Variants in STRADA observed in about 807,000 individuals in gnomAD.
STRADA encodes STE20 related adaptor alpha.
STRADA carries 26 observed loss-of-function variants against 55.0 expected under a neutral mutation model. The observed-to-expected ratio is 0.47, with a 90% CI of 0.35 to 0.66. The LOEUF is 0.66. Ranked by LOEUF, STRADA falls within the 30% of genes least tolerant of loss-of-function variation. STRADA has a pLI of 0.01. For missense variants in STRADA, 443 were observed against 549.7 expected (o/e 0.81, Z 1.94); for synonymous variants, 197 against 210.9 (o/e 0.93, Z 0.57).
chr17:63,710,577 A>G lies in STRADA; in HGVS notation c.495T>C (p.Asp165=). 4 of 1,614,032 alleles carry G rather than the reference A, an allele frequency of 2.5e-6. No individual in the cohort carries two copies. The change falls in exon 8 of 13, where the codon GAT becomes GAC. Residue 165 remains aspartate (D), a synonymous_variant. Coordinates refer to ENST00000336174, the MANE Select transcript of STRADA (RefSeq NM_001003787.4). ...AKDLICTHFM[D]GMNELAIAYI... is the part of the protein sequence containing the mutation. The stretch of plus-strand genomic sequence containing the variant: ...AAGCAATCGCCAGCTCATTCATGCC[A>G]TCCATGAAGTGTGTACAGATGAGAT...
At chr17:63,722,142 T>C (rs530885172) in intron 4 of STRADA, among the ~76,000 whole-genome samples, 3 of 152,370 alleles carry the variant, frequency 2.0e-5, no homozygotes, top group South Asian at 2.1e-4. Flanking sequence ...CAATTGCTCA[T>C]AGAAAGGAAC....
chr17:63,724,146 A>C (rs2144101232), intron 3 of STRADA, among the ~76,000 whole-genome samples: 1 of 151,818 alleles, frequency 6.6e-6, no homozygotes, highest in South Asian at 2.1e-4. Flanking sequence ...TTTTTTTTTA[A>C]TTTTTTATTT....
intron 1 of STRADA, among the ~76,000 whole-genome samples, chr17:63,738,834 A>AAAT (rs372982779): frequency 0.057 from 8,290 of 146,224 alleles, 406 homozygotes; most frequent in African/African-American, 0.13. Flanking sequence ...CTCCATCTCA[A>AAAT]AATAATAATA....
Position 63,708,397 on chromosome 17 carries a change from A to G in STRADA, c.582-979T>C, listed in dbSNP as rs375281894. On this transcript the variant is annotated intron_variant, in intron 8 of 12. Coordinates refer to ENST00000336174, the MANE Select transcript of STRADA (RefSeq NM_001003787.4). ...GTATTTTTAGTAGAGACAGGGTTTC[A>G]CCATGTTAGCCAGGCTGGTCTTGAA... 1.1e-4 allele frequency among the ~76,000 whole-genome samples: 17 copies of G among 151,390 alleles called. No homozygotes were observed. The East Asian group carries it at 2.9e-3, about 26-fold the overall frequency.
chr17:63,741,863 G>A (rs200468565), upstream of STRADA: 1 of 152,386 alleles, frequency 6.6e-6, no homozygotes, highest in Non-Finnish European at 1.5e-5. Context: ...GCAGTGGGGC[G>A]ACCGGGAGGA....
rs767576976 is a variant in STRADA, at chr17:63,704,487, C to A, written c.954G>T (p.Val318=). The A allele has an allele frequency of 3.7e-6, 6 of 1,612,796 alleles. No individual in the cohort carries two copies. Among genetic ancestry groups the A allele is most frequent in the Non-Finnish European group, 5.1e-6 (6 of 1,179,668 alleles). The change falls in exon 11 of 13, where the codon GTG becomes GTT. Residue 318 remains valine (V), a synonymous_variant. Coordinates refer to ENST00000336174, the MANE Select transcript of STRADA (RefSeq NM_001003787.4). The part of the protein sequence containing the change: ...EELTMSPSRS[V]ANSGLSDSLT... ...GGCTGTCACTCAGGCCAGAGTTGGC[C>A]ACTGAGCGCGAAGGGCTCATGGTCA...
At chr17:63,723,364 T>A in intron 3 of STRADA, 38 bp from the exon 4 acceptor site, 1 of 1,613,674 alleles carries the variant, frequency 6.2e-7, no homozygotes. Context: ...TTTTGTGTTT[T>A]AGCAGAAGAC....
In STRADA at chr17:63,731,584, A is replaced by G. The variant is rs140457413; in HGVS notation, c.-44-3171T>C. Among the ~76,000 whole-genome samples the G allele has an allele frequency of 1.0e-3, 154 of 152,134 alleles. 2 individuals are homozygous for G. In the East Asian group the frequency reaches 0.025, roughly 24 times the overall value. On this transcript the variant is annotated intron_variant, in intron 1 of 12. Coordinates refer to ENST00000336174, the MANE Select transcript of STRADA (RefSeq NM_001003787.4). The stretch of plus-strand genomic sequence containing the variant: ...TGGCCGGCCCTGATATTCTTATAGA[A>G]GCTCCTTTTCCAACCCCAGCTGAGA...
intron 4 of STRADA, among the ~76,000 whole-genome samples, chr17:63,718,463 C>T (rs2144003559): frequency 6.6e-6 from 1 of 152,290 alleles, no homozygotes; most frequent in South Asian, 2.1e-4. Context: ...CTTATATACG[C>T]CTAACTCCTG....
chr17:63,705,023 C>G, intron 10 of STRADA: 1 of 1,059,166 alleles, frequency 9.4e-7, no homozygotes, highest in Non-Finnish European at 1.4e-6. Context: ...CCTGGGCTGT[C>G]GCTGCAGCAG....
At chr17:63,710,933 C>T in intron 6 of STRADA, 97 bp from the exon 7 acceptor site, 1 of 1,108,204 alleles carries the variant, frequency 9.0e-7, no homozygotes, top group Non-Finnish European at 1.3e-6. Context: ...GGACCTGGCA[C>T]TTTCTGGGTG....
At chr17:63,723,084 A>C (rs1391996030) in intron 4 of STRADA, among the ~76,000 whole-genome samples, 1 of 152,192 alleles carries the variant, frequency 6.6e-6, no homozygotes, top group Admixed American at 6.5e-5. Context: ...AAGAGACAAA[A>C]ACTACCTGAG....
At chr17:63,727,234 A>G (rs888471852) in intron 2 of STRADA, 1 of 153,536 alleles carries the variant, frequency 6.5e-6, no homozygotes, top group African/African-American at 2.4e-5. Context: ...GGATCAATCT[A>G]TGGCTCACTT....
chr17:63,737,195 G>T (rs925347231), intron 1 of STRADA, among the ~76,000 whole-genome samples: 1 of 133,154 alleles, frequency 7.5e-6, no homozygotes, highest in African/African-American at 3.0e-5. Context: ...GTTGCAGTGA[G>T]TCAAGATCAT....
intron 3 of STRADA, among the ~76,000 whole-genome samples, chr17:63,724,663 C>T (rs572387649): frequency 2.0e-5 from 3 of 152,248 alleles, no homozygotes; most frequent in South Asian, 2.1e-4. Context: ...CTGCCCACCT[C>T]GGCCTCCCAA....
chr17:63,710,336 CTG>C (rs2036414029), intron 8 of STRADA, 153 bp downstream of exon 8: 2 of 1,316,966 alleles, frequency 1.5e-6, no homozygotes, highest in Non-Finnish European at 2.1e-6. Flanking sequence ...GCGCTGGGCC[CTG>C]TTTCTTTTCA....
intron 1 of STRADA, among the ~76,000 whole-genome samples, chr17:63,736,739 C>A (rs1331281400): frequency 2.6e-5 from 4 of 151,062 alleles, no homozygotes; most frequent in Non-Finnish European, 5.9e-5. Context: ...ATGAAGTTGG[C>A]AGGTTGAAGA....
At chr17:63,723,184 C>G in intron 4 of STRADA, 114 bp downstream of exon 4, 1 of 1,256,380 alleles carries the variant, frequency 8.0e-7, no homozygotes, top group Middle Eastern at 1.9e-4. Context: ...ACAAATAAAG[C>G]TCAGTGACAG....
Position 63,712,721 on chromosome 17 carries a change from C to G in STRADA, c.348+685G>C, listed in dbSNP as rs533232363. Among the ~76,000 whole-genome samples, 37 of 151,590 alleles carry G rather than the reference C, an allele frequency of 2.4e-4. No individual in the cohort carries two copies. In the Middle Eastern group the frequency reaches 0.01, roughly 42 times the overall value. On this transcript the variant is annotated intron_variant, in intron 6 of 12. Transcript: ENST00000336174. ...AGACCCTGTCTCGAAAAAAAAGAGG[C>G]CAGATGCGGTGGCTCACATTTGTAA...
Sources: allele counts gnomAD v4.1 joint callset (sites outside exome capture counted in the v4.1 genomes callset), GRCh38; gene constraint gnomAD v4.1.1; transcripts MANE v1.5; gene names NCBI Gene and HGNC (gene_info 2026-07-23, HGNC 2026-07-21).